Variants in CGNL1 observed in about 807,000 individuals in gnomAD.
CGNL1 encodes cingulin like 1.
A neutral mutation model predicts 141.2 loss-of-function variants in CGNL1; 132 were observed. The observed-to-expected ratio is 0.93, with a 90% CI of 0.81 to 1.08. The LOEUF is 1.08. Among genes scored for constraint, CGNL1 ranks in the 50% least tolerant of loss-of-function variants. The pLI, the probability that CGNL1 is intolerant of heterozygous loss-of-function variation, is 0.00. For missense variants in CGNL1, 1,870 were observed against 1,588.6 expected (o/e 1.18, Z -3.01); for synonymous variants, 690 against 622.1 (o/e 1.11, Z -1.63).
At chr15:57,412,682 T>TTTG (rs2062803449) in intron 1 of CGNL1, among the ~76,000 whole-genome samples, 1 of 152,130 alleles carries the variant, frequency 6.6e-6, no homozygotes, top group African/African-American at 2.4e-5. Context: ...TGAAGTGGAG[T>TTTG]TTGTGTCCCT....
chr15:57,522,599 T>A (rs1220819570), intron 10 of CGNL1, among the ~76,000 whole-genome samples: 2 of 152,212 alleles, frequency 1.3e-5, no homozygotes, highest in African/African-American at 4.8e-5. Context: ...TTGTGCGTCT[T>A]CTTATTATCC....
intron 10 of CGNL1, among the ~76,000 whole-genome samples, chr15:57,521,150 G>A (rs538040616): frequency 1.3e-5 from 2 of 152,230 alleles, no homozygotes; most frequent in South Asian, 4.2e-4. Context: ...ATGAAGGGTC[G>A]GAAAAATGCA....
intron 1 of CGNL1, among the ~76,000 whole-genome samples, chr15:57,411,556 G>A (rs1314211578): frequency 6.6e-6 from 1 of 150,766 alleles, no homozygotes; most frequent in Non-Finnish European, 1.5e-5. Context: ...CAATTCTCAT[G>A]CTTCACCCTC....
chr15:57,431,615 A>G (rs1481916957), intron 1 of CGNL1, among the ~76,000 whole-genome samples: 1 of 152,224 alleles, frequency 6.6e-6, no homozygotes, highest in Non-Finnish European at 1.5e-5. Context: ...TGTGTTAACC[A>G]CTGTTTAGCA....
At chr15:57,393,579 A>G (rs568225198) in intron 1 of CGNL1, among the ~76,000 whole-genome samples, 14 of 152,292 alleles carry the variant, frequency 9.2e-5, no homozygotes, top group African/African-American at 3.4e-4. Flanking sequence ...AATATTTAAC[A>G]TCTTTTTTTG....
intron 8 of CGNL1, among the ~76,000 whole-genome samples, chr15:57,511,990 C>G (rs181948547): frequency 2.6e-5 from 4 of 152,186 alleles, no homozygotes; most frequent in Admixed American, 2.6e-4. Context: ...ATCAGAGAAT[C>G]GTAGAAACAT....
intron 4 of CGNL1, among the ~76,000 whole-genome samples, chr15:57,450,529 G>C (rs771246039): frequency 6.6e-6 from 1 of 152,120 alleles, no homozygotes; most frequent in African/African-American, 2.4e-5. Flanking sequence ...GTTCTGCCTC[G>C]GCCTCCCAAA....
chr15:57,479,649 A>G (rs2063700993), intron 8 of CGNL1, among the ~76,000 whole-genome samples: 1 of 152,178 alleles, frequency 6.6e-6, no homozygotes, highest in African/African-American at 2.4e-5. Context: ...GGGTGATGGA[A>G]TGAGACTCCT....
chr15:57,458,691 G>T (rs1388846168), intron 7 of CGNL1, among the ~76,000 whole-genome samples: 1 of 152,150 alleles, frequency 6.6e-6, no homozygotes, highest in Admixed American at 6.5e-5. Flanking sequence ...GAAGCCCTGG[G>T]GGGTAGCCGG....
chr15:57,422,490 G>A (rs1323129606), intron 1 of CGNL1, among the ~76,000 whole-genome samples: 1 of 152,042 alleles, frequency 6.6e-6, no homozygotes, highest in Admixed American at 6.5e-5. Flanking sequence ...TCTTTTTGCA[G>A]TTTGCTCTGT....
intron 8 of CGNL1, among the ~76,000 whole-genome samples, chr15:57,464,324 T>C (rs1219625939): frequency 1.3e-5 from 2 of 152,096 alleles, no homozygotes; most frequent in African/African-American, 4.8e-5. Context: ...AAGCCAGATA[T>C]CTGGATGTTT....
chr15:57,511,658 C>G (rs2030317169), intron 8 of CGNL1, among the ~76,000 whole-genome samples: 1 of 152,140 alleles, frequency 6.6e-6, no homozygotes, highest in African/African-American at 2.4e-5. Context: ...TGCCTCATAG[C>G]TGAAAAAATA....
chr15:57,547,588 C>A lies in CGNL1; in HGVS notation c.*98C>A. 1 of 1,361,776 alleles carries A rather than the reference C, an allele frequency of 7.3e-7. No individual in the cohort carries two copies. The highest frequency in any genetic ancestry group is 1.0e-6 in the Non-Finnish European group (1 of 987,004). 84.4% of individuals were successfully genotyped at this position (1,361,776 alleles called of 1,614,324 possible). ...GGGGAGCATCTGTCTGCCACTGAGA[C>A]CAATCACAGCCTCTTTGCACAGCAT... On this transcript the variant is annotated 3_prime_UTR_variant, in exon 19 of 19. Transcript: ENST00000281282.
In CGNL1 at chr15:57,528,722, G is replaced by C. The variant is rs771372408; in HGVS notation, c.3108G>C (p.Gln1036His). ...RAQDEALTKR[Q>H]LLEQTLKDLE... is the part of the protein sequence containing the mutation. The stretch of plus-strand genomic sequence containing the variant: ...AGGATGAAGCACTCACAAAAAGGCA[G>C]CTTCTGGAGCAGACGCTGAAGGACC... The change falls in exon 13 of 19, where the codon CAG becomes CAC. Residue 1036 changes from glutamine to histidine, a missense_variant. By Grantham distance (24) the Gln-to-His change is conservative. Coordinates refer to ENST00000281282, the MANE Select transcript of CGNL1 (RefSeq NM_032866.5). 2 of 1,614,208 alleles carry C rather than the reference G, an allele frequency of 1.2e-6. No homozygotes were observed. Among genetic ancestry groups the C allele is most frequent in the Admixed American group, 3.3e-5 (2 of 60,030 alleles).
rs996199688 is a variant in CGNL1, at chr15:57,438,772, C to G, written c.773C>G (p.Thr258Ser). 2.5e-6 allele frequency: 4 copies of G among 1,614,064 alleles called. No individual in the cohort carries two copies. In the African/African-American group the frequency reaches 5.3e-5, roughly 22 times the overall value. Residue 258 changes from threonine to serine, a missense_variant, in exon 2 of 19, where the codon ACT (threonine) becomes AGT (serine). Thr to Ser is a moderately conservative substitution (Grantham distance 58). Transcript: ENST00000281282. ...CTTTTCACTAGCGGGAGGCCCCTGACTGCCCACAGCCCACATGCCCACCCT... is the reference window on the plus strand; with the variant it reads ...CTTTTCACTAGCGGGAGGCCCCTGAGTGCCCACAGCCCACATGCCCACCCT... ...EALFTSGRPL[T>S]AHSPHAHPET...
intron 1 of CGNL1, among the ~76,000 whole-genome samples, chr15:57,413,455 G>A (rs2062815442): frequency 6.6e-6 from 1 of 152,076 alleles, no homozygotes. Context: ...TTTTTGTGAA[G>A]ATGGGGGTTT....
At chr15:57,420,569 C>T (rs985558577) in intron 1 of CGNL1, among the ~76,000 whole-genome samples, 9 of 152,148 alleles carry the variant, frequency 5.9e-5, no homozygotes, top group South Asian at 2.1e-4. Flanking sequence ...GTTTCGGAAT[C>T]GTTAATGCAT....
chr15:57,435,142 G>A (rs1221638448), intron 1 of CGNL1, among the ~76,000 whole-genome samples: 1 of 152,098 alleles, frequency 6.6e-6, no homozygotes, highest in African/African-American at 2.4e-5. Context: ...AACAGTAATC[G>A]ATCATTAACG....
chr15:57,528,199 G>A (rs754637751), intron 12 of CGNL1, among the ~76,000 whole-genome samples: 39 of 151,928 alleles, frequency 2.6e-4, no homozygotes, highest in Admixed American at 5.9e-4. Flanking sequence ...GGAGGCTGCA[G>A]TTAGCCAAGA....
Sources: gnomAD v4.1 joint callset for allele counts (sites outside exome capture counted in the v4.1 genomes callset) on GRCh38, gnomAD v4.1.1 for gene constraint, MANE v1.5 for transcripts, NCBI Gene and HGNC (gene_info 2026-07-23, HGNC 2026-07-21) for gene names.